The following ZFPM2 variants were observed in gnomAD, a reference collection of about 807,000 sequenced individuals.
ZFPM2 encodes the protein zinc finger protein, FOG family member 2.
ZFPM2 carries 20 observed loss-of-function variants against 98.6 expected under a neutral mutation model. The observed-to-expected ratio is 0.20, with a 90% CI of 0.14 to 0.29. The LOEUF is 0.29. Ranked by LOEUF, ZFPM2 falls within the 10% of genes least tolerant of loss-of-function variation. The pLI, the probability that ZFPM2 is intolerant of heterozygous loss-of-function variation, is 1.00. For missense variants in ZFPM2, 1,310 were observed against 1,388.6 expected (o/e 0.94, Z 0.90); for synonymous variants, 518 against 502.7 (o/e 1.03, Z -0.41).
chr8:105,677,576 T>G (rs1307701964), intron 5 of ZFPM2, among the ~76,000 whole-genome samples: 5 of 144,970 alleles, frequency 3.4e-5, no homozygotes, highest in African/African-American at 1.0e-4. Context: ...TTGTAGAGGG[T>G]TTTTTTTTTT....
chr8:105,448,462 A>G (rs2072452550), intron 3 of ZFPM2, among the ~76,000 whole-genome samples: 1 of 152,000 alleles, frequency 6.6e-6, no homozygotes, highest in African/African-American at 2.4e-5. Context: ...TATTGTAATA[A>G]TTGTTAAAAG....
At chr8:105,622,656 G>GGTTGGGTTGGGAGC (rs986462002) in intron 4 of ZFPM2, among the ~76,000 whole-genome samples, 7 of 152,116 alleles carry the variant, frequency 4.6e-5, no homozygotes, top group Admixed American at 1.3e-4. Context: ...ATGTTGAGTG[G>GGTTGGGTTGGGAGC]ATCTGTTTGG....
intron 1 of ZFPM2, among the ~76,000 whole-genome samples, chr8:105,375,006 T>C (rs896586019): frequency 1.3e-5 from 2 of 152,180 alleles, no homozygotes; most frequent in Non-Finnish European, 2.9e-5. Flanking sequence ...AACTTGCTTT[T>C]GATTAAGTAC....
At chr8:105,490,488 A>G (rs754548906) in intron 3 of ZFPM2, among the ~76,000 whole-genome samples, 1 of 152,224 alleles carries the variant, frequency 6.6e-6, no homozygotes, top group Non-Finnish European at 1.5e-5. Flanking sequence ...TTGCTGTAGC[A>G]GATAGACAGA....
intron 1 of ZFPM2, among the ~76,000 whole-genome samples, chr8:105,416,832 G>A (rs1254028313): frequency 6.6e-6 from 1 of 152,080 alleles, no homozygotes; most frequent in Non-Finnish European, 1.5e-5. Flanking sequence ...AGCAGCAAGA[G>A]AGTTTTCCAT....
chr8:105,784,432 A>G (rs1022626372), intron 5 of ZFPM2, among the ~76,000 whole-genome samples: 1 of 145,804 alleles, frequency 6.9e-6, no homozygotes, highest in Non-Finnish European at 1.5e-5. Context: ...CATTGAATTC[A>G]TAGGTGTGCC....
chr8:105,593,389 A>G (rs1815892130), intron 4 of ZFPM2, among the ~76,000 whole-genome samples: 1 of 152,104 alleles, frequency 6.6e-6, no homozygotes, highest in African/African-American at 2.4e-5. Flanking sequence ...ACAGAAATAG[A>G]ATTCTGAAAA....
At chr8:105,392,937 A>C (rs1321065541) in intron 1 of ZFPM2, among the ~76,000 whole-genome samples, 1 of 152,166 alleles carries the variant, frequency 6.6e-6, no homozygotes, top group Admixed American at 6.5e-5. Flanking sequence ...AAGCTTTAAC[A>C]CTTGGAATTA....
intron 3 of ZFPM2, among the ~76,000 whole-genome samples, chr8:105,517,470 G>A (rs1813949247): frequency 6.6e-6 from 1 of 152,062 alleles, no homozygotes; most frequent in African/African-American, 2.4e-5. Context: ...CATATATACT[G>A]TGAAATGATT....
intron 3 of ZFPM2, among the ~76,000 whole-genome samples, chr8:105,535,047 C>A (rs1029134625): frequency 1.3e-5 from 2 of 152,108 alleles, no homozygotes; most frequent in African/African-American, 4.8e-5. Context: ...ATTTCCCCTG[C>A]AATGTTCAAA....
chr8:105,765,638 G>A (rs370680982), intron 5 of ZFPM2, among the ~76,000 whole-genome samples: 31 of 151,808 alleles, frequency 2.0e-4, no homozygotes, highest in East Asian at 3.9e-4. Context: ...AGCATAATTC[G>A]TTTTTGAGAG....
At chr8:105,480,940 C>T (rs563157162) in intron 3 of ZFPM2, among the ~76,000 whole-genome samples, 3 of 152,042 alleles carry the variant, frequency 2.0e-5, no homozygotes, top group East Asian at 3.9e-4. Flanking sequence ...TTAGTAGAGA[C>T]GGGGTTTCAC....
intron 4 of ZFPM2, among the ~76,000 whole-genome samples, chr8:105,631,933 A>G (rs1300825154): frequency 6.6e-6 from 1 of 152,208 alleles, no homozygotes; most frequent in Non-Finnish European, 1.5e-5. Flanking sequence ...AAACAGGTTG[A>G]TTAAATAATT....
intron 5 of ZFPM2, among the ~76,000 whole-genome samples, chr8:105,684,713 G>A (rs1237392353): frequency 1.3e-5 from 2 of 151,926 alleles, no homozygotes; most frequent in Non-Finnish European, 2.9e-5. Flanking sequence ...TAGTATCCTG[G>A]TACTTACTAA....
At chr8:105,639,779 T>C (rs1169828206) in intron 5 of ZFPM2, among the ~76,000 whole-genome samples, 1 of 152,020 alleles carries the variant, frequency 6.6e-6, no homozygotes, top group Non-Finnish European at 1.5e-5. Flanking sequence ...CATATAGTGA[T>C]ATCGTATTTA....
At position 105,459,052 on chromosome 8, in the gene ZFPM2, A is replaced by G. The variant is rs1447603105; in HGVS notation, c.301+14671A>G. Among the ~76,000 whole-genome samples the G allele has an allele frequency of 5.9e-5, 9 of 152,284 alleles. No homozygotes were observed. In the East Asian group the frequency reaches 1.7e-3, roughly 29 times the overall value. ...TTCTACAAACCATTTTCTTATTATTAAAGAAGTCACTTGAATGGCCCTTCT... is the reference window on the plus strand; with the variant it reads ...TTCTACAAACCATTTTCTTATTATTGAAGAAGTCACTTGAATGGCCCTTCT... On this transcript the variant is annotated intron_variant, in intron 3 of 7. Coordinates refer to ENST00000407775, the MANE Select transcript of ZFPM2 (RefSeq NM_012082.4).
At chr8:105,711,237 G>A (rs751734411) in intron 5 of ZFPM2, among the ~76,000 whole-genome samples, 4 of 151,990 alleles carry the variant, frequency 2.6e-5, no homozygotes, top group Admixed American at 1.3e-4. Flanking sequence ...GCCAAACTCT[G>A]CTCCAAAGTA....
chr8:105,323,623 C>G (rs1812067843), intron 1 of ZFPM2, among the ~76,000 whole-genome samples: 1 of 151,624 alleles, frequency 6.6e-6, no homozygotes, highest in Non-Finnish European at 1.5e-5. Context: ...TAGATTTTTT[C>G]TGGAAAAATC....
chr8:105,438,985 C>G (rs1272055830), intron 2 of ZFPM2, among the ~76,000 whole-genome samples: 1 of 151,890 alleles, frequency 6.6e-6, no homozygotes, highest in Admixed American at 6.6e-5. Context: ...GCCTATTTCC[C>G]CAACTAGATT....
Sources: allele counts gnomAD v4.1 joint callset (sites outside exome capture counted in the v4.1 genomes callset), GRCh38; gene constraint gnomAD v4.1.1; transcripts MANE v1.5; gene names NCBI Gene and HGNC (gene_info 2026-07-23, HGNC 2026-07-21).